Variants in WDR27 observed in about 807,000 individuals in gnomAD.
WDR27 encodes the protein WD repeat domain 27, also known as WD repeat-containing protein 27.
Under a neutral mutation model 114.4 loss-of-function variants are expected in WDR27, and 100 were observed. The observed-to-expected ratio is 0.87, with a 90% CI of 0.74 to 1.03. The LOEUF (loss-of-function observed/expected upper bound fraction) is 1.03, where lower values mean the gene tolerates loss of function less well. Ranked by LOEUF, WDR27 falls within the 50% of genes least tolerant of loss-of-function variation. The pLI is 0.00. For synonymous variants in WDR27, 449 were observed against 423.1 expected, an observed-to-expected ratio of 1.06 and a Z score of -0.75; for missense variants, 1,129 against 1,092.9, an observed-to-expected ratio of 1.03 and a Z score of -0.47.
intron 24 of WDR27, among the ~76,000 whole-genome samples, chr6:169,572,803 A>G (rs1468824940): frequency 1.3e-5 from 2 of 152,220 alleles, no homozygotes; most frequent in Non-Finnish European, 2.9e-5. Flanking sequence ...ACTTGTTGAG[A>G]AAGTAATCTA....
the WDR27 span, among the ~76,000 whole-genome samples, chr6:169,440,698 T>C: frequency 1.3e-5 from 2 of 152,218 alleles, no homozygotes; most frequent in Non-Finnish European, 2.9e-5. Flanking sequence ...CCGATATGAA[T>C]AACATAACAA....
chr6:169,634,618 G>C, intron 19 of WDR27, 93 bp from the exon 20 acceptor site: 1 of 749,210 alleles, frequency 1.3e-6, no homozygotes. Flanking sequence ...TGAAAAGAAA[G>C]TTTTCATATC....
intron 21 of WDR27, among the ~76,000 whole-genome samples, chr6:169,621,014 TCTTGAGCACAAGGA>T (rs1812995661): frequency 6.6e-6 from 1 of 152,204 alleles, no homozygotes; most frequent in Admixed American, 6.5e-5. Flanking sequence ...AAAATACAAT[TCTTGAGCACAAGGA>T]CTTTGCCCTC....
rs199542314 is a variant in WDR27, at chr6:169,634,507, C to T, written c.2022G>A (p.Lys674=). 26 of 1,611,588 alleles carry T rather than the reference C, an allele frequency of 1.6e-5. No individual in the cohort carries two copies. The highest frequency in any genetic ancestry group is 1.9e-5 in the Non-Finnish European group (22 of 1,178,874). The part of the protein sequence containing the change: ...DEIKRYKQKS[K]SKLICRLSTT... The stretch of plus-strand genomic sequence containing the variant: ...TGGAGAGCCTGCAAATCAGCTTGGA[C>T]TTGCTCTTCTGTTTATATCTGGAAG... The change falls in exon 20 of 26, where the codon AAG becomes AAA. Residue 674 remains lysine, a synonymous_variant. Coordinates refer to ENST00000448612, the MANE Select transcript of WDR27 (RefSeq NM_182552.5).
intron 2 of WDR27, among the ~76,000 whole-genome samples, chr6:169,683,530 GA>G (rs753448281): frequency 1.2e-3 from 164 of 140,834 alleles, no homozygotes; most frequent in South Asian, 4.3e-3. Flanking sequence ...CCCTCCAAAA[GA>G]AAAAAAAAAA....
At chr6:169,632,357 C>T (rs1816638287) in intron 21 of WDR27, among the ~76,000 whole-genome samples, 1 of 152,130 alleles carries the variant, frequency 6.6e-6, no homozygotes, top group Non-Finnish European at 1.5e-5. Context: ...CCTTTCCAGG[C>T]ATATCAACAA....
At chr6:169,576,751 T>A (rs1802406453) in intron 24 of WDR27, among the ~76,000 whole-genome samples, 1 of 130,296 alleles carries the variant, frequency 7.7e-6, no homozygotes, top group African/African-American at 2.9e-5. Context: ...TGGGCAAGAG[T>A]GAGACCCTTT....
chr6:169,670,449 A>C (rs1271438452), intron 4 of WDR27, 120 bp downstream of exon 4: 1 of 1,115,086 alleles, frequency 9.0e-7, no homozygotes, highest in African/African-American at 1.6e-5. Flanking sequence ...TAAATTGAAG[A>C]TATAGCTTAA....
intron 2 of WDR27, among the ~76,000 whole-genome samples, chr6:169,679,514 G>T (rs540176548): frequency 6.6e-6 from 1 of 152,156 alleles, no homozygotes; most frequent in Non-Finnish European, 1.5e-5. Context: ...GGAGGTGTTT[G>T]GGTCATGCCG....
intron 21 of WDR27, among the ~76,000 whole-genome samples, chr6:169,632,553 G>C (rs967506108): frequency 2.6e-5 from 4 of 151,640 alleles, no homozygotes; most frequent in African/African-American, 7.3e-5. Flanking sequence ...TGTCAAAACA[G>C]ACTGGCTGTA....
At chr6:169,679,342 G>A (rs192037316) in intron 2 of WDR27, among the ~76,000 whole-genome samples, 2 of 152,162 alleles carry the variant, frequency 1.3e-5, no homozygotes, top group Admixed American at 6.5e-5. Context: ...GACTCTTTTC[G>A]TCGACAAGAC....
intron 22 of WDR27, among the ~76,000 whole-genome samples, chr6:169,606,431 C>G (rs1184310213): frequency 6.6e-6 from 1 of 152,190 alleles, no homozygotes; most frequent in Non-Finnish European, 1.5e-5. Context: ...TTAAGCGTCA[C>G]AAGCATCAGG....
downstream of WDR27, among the ~76,000 whole-genome samples, chr6:169,452,468 G>A (rs1040870102): frequency 3.5e-4 from 53 of 152,356 alleles, no homozygotes; most frequent in African/African-American, 1.2e-3. Context: ...AGTGAGAGCA[G>A]CCGAGGCGGG....
downstream of WDR27, among the ~76,000 whole-genome samples, chr6:169,455,393 A>G (rs1784308934): frequency 6.6e-6 from 1 of 152,202 alleles, no homozygotes; most frequent in South Asian, 2.1e-4. Flanking sequence ...CTCTACATAA[A>G]CATGTTATTT....
chr6:169,693,948 C>T (rs965084826), intron 1 of WDR27, among the ~76,000 whole-genome samples: 2 of 152,122 alleles, frequency 1.3e-5, no homozygotes, highest in African/African-American at 4.8e-5. Flanking sequence ...AGAAAGTTAA[C>T]AAAGAAAGAA....
At chr6:169,505,306 T>C (rs1791862384) in intron 25 of WDR27, among the ~76,000 whole-genome samples, 4 of 152,188 alleles carry the variant, frequency 2.6e-5, no homozygotes, top group Admixed American at 6.5e-5. Flanking sequence ...ATGAGTGATT[T>C]TTCTAATGCA....
chr6:169,444,177 C>T, the WDR27 span, among the ~76,000 whole-genome samples: 1 of 152,206 alleles, frequency 6.6e-6, no homozygotes, highest in East Asian at 1.9e-4. Flanking sequence ...TGCCCATATC[C>T]TTTATCTAAC....
chr6:169,433,451 T>C, the WDR27 span, among the ~76,000 whole-genome samples: 9 of 152,364 alleles, frequency 5.9e-5, no homozygotes, highest in South Asian at 1.9e-3. Context: ...TAGTATTCCA[T>C]GGTGTATATG....
In WDR27 at chr6:169,686,130, T is replaced by G. The variant is rs542811187; in HGVS notation, c.189+2687A>C. Among the ~76,000 whole-genome samples, 6 of 152,264 alleles carry G rather than the reference T, an allele frequency of 3.9e-5. No homozygotes were observed. In the East Asian group the frequency reaches 7.7e-4, roughly 20 times the overall value. Reference sequence around the variant, plus strand: ...TTTAAGAAATGAAGGACAAATTAAATCTTCAGAGACAAAATTCAAGGAATT... The same window carrying G: ...TTTAAGAAATGAAGGACAAATTAAAGCTTCAGAGACAAAATTCAAGGAATT... On this transcript the variant is annotated intron_variant, in intron 2 of 25. Coordinates refer to ENST00000448612, the MANE Select transcript of WDR27 (RefSeq NM_182552.5).
Sources: allele counts gnomAD v4.1 joint callset (sites outside exome capture counted in the v4.1 genomes callset), GRCh38; gene constraint gnomAD v4.1.1; transcripts MANE v1.5; gene names NCBI Gene and HGNC (gene_info 2026-07-23, HGNC 2026-07-21).